The following DPYD variants were observed in gnomAD, a reference collection of about 807,000 sequenced individuals.
DPYD encodes the protein dihydropyrimidine dehydrogenase.
In DPYD, 109 loss-of-function variants were observed where a neutral mutation model predicts 116.2. That is an observed-to-expected ratio of 0.94 (90% confidence interval 0.80 to 1.10). The LOEUF is 1.10. Among genes scored for constraint, DPYD ranks in the 50% least tolerant of loss-of-function variants. DPYD has a pLI of 0.00. For synonymous variants in DPYD, 440 were observed against 432.0 expected (o/e 1.02, Z -0.23); for missense variants, 1,302 against 1,254.5 (o/e 1.04, Z -0.57).
At chr1:97,816,731 T>C (rs1339304975) in intron 3 of DPYD, among the ~76,000 whole-genome samples, 2 of 152,174 alleles carry the variant, frequency 1.3e-5, no homozygotes, top group Admixed American at 1.3e-4. Flanking sequence ...ATGTCTCATG[T>C]TTGTTGCATA....
intron 16 of DPYD, among the ~76,000 whole-genome samples, chr1:97,352,272 G>A (rs1237441131): frequency 1.3e-5 from 2 of 152,156 alleles, no homozygotes; most frequent in Non-Finnish European, 2.9e-5. Context: ...AACCAACTAA[G>A]GAATATAAAA....
intron 19 of DPYD, among the ~76,000 whole-genome samples, chr1:97,211,925 G>A (rs1660057959): frequency 6.6e-6 from 1 of 152,082 alleles, no homozygotes; most frequent in Non-Finnish European, 1.5e-5. Context: ...CTAAGCATGA[G>A]TGAAATCCCC....
At chr1:97,203,677 A>ACC (rs1557935782) in intron 19 of DPYD, among the ~76,000 whole-genome samples, 211 of 44,234 alleles carry the variant, frequency 4.8e-3, no homozygotes, top group East Asian at 0.041. Context: ...CCCCCCCCAA[A>ACC]AAAAAAAAAA....
chr1:97,875,170 G>T (rs1268246771), intron 2 of DPYD, among the ~76,000 whole-genome samples: 3 of 151,834 alleles, frequency 2.0e-5, no homozygotes, highest in Admixed American at 2.0e-4. Context: ...GTCAAGAATT[G>T]CCCTGAGTTT....
At chr1:97,754,692 T>C (rs1004949970) in intron 3 of DPYD, among the ~76,000 whole-genome samples, 1 of 152,198 alleles carries the variant, frequency 6.6e-6, no homozygotes, top group Admixed American at 6.5e-5. Context: ...ATGAATAAGT[T>C]ATAGGTTCAG....
chr1:97,361,936 G>T (rs1352688101), intron 16 of DPYD, among the ~76,000 whole-genome samples: 2 of 152,220 alleles, frequency 1.3e-5, no homozygotes, highest in Non-Finnish European at 2.9e-5. Flanking sequence ...TACACATAGT[G>T]TTGGAAGTTC....
chr1:97,691,857 A>C, intron 6 of DPYD, 59 bp from the exon 7 acceptor site: 1 of 1,375,456 alleles, frequency 7.3e-7, no homozygotes. Flanking sequence ...ATCTTTGACC[A>C]ATCTTAAAAA....
At chr1:97,201,908 T>TA (rs35829715) in intron 19 of DPYD, among the ~76,000 whole-genome samples, 1 of 69,016 alleles carries the variant, frequency 1.4e-5, no homozygotes, top group East Asian at 1.9e-3. Context: ...CTCAAGCAGC[T>TA]TTTTTTTTTT....
chr1:97,804,448 G>T (rs1667988125), intron 3 of DPYD, among the ~76,000 whole-genome samples: 1 of 151,758 alleles, frequency 6.6e-6, no homozygotes, highest in Non-Finnish European at 1.5e-5. Context: ...AAGATGTTAA[G>T]ATGCTATACA....
chr1:97,264,379 T>A (rs953854262), intron 18 of DPYD, among the ~76,000 whole-genome samples: 2 of 151,750 alleles, frequency 1.3e-5, no homozygotes, highest in African/African-American at 4.8e-5. Context: ...AGAGATGAGG[T>A]CTTGCCATGT....
At chr1:97,144,626 T>G (rs1385116221) in intron 20 of DPYD, among the ~76,000 whole-genome samples, 3 of 152,166 alleles carry the variant, frequency 2.0e-5, no homozygotes, top group African/African-American at 7.2e-5. Context: ...CTTCAAAAAG[T>G]GACAGGGTTG....
chr1:97,114,699 T>C (rs1414363809), intron 20 of DPYD, among the ~76,000 whole-genome samples: 1 of 152,122 alleles, frequency 6.6e-6, no homozygotes, highest in Non-Finnish European at 1.5e-5. Flanking sequence ...TAATGGCTGA[T>C]GGTGGTTATG....
intron 2 of DPYD, among the ~76,000 whole-genome samples, chr1:97,848,427 A>G (rs1421800001): frequency 1.3e-5 from 2 of 152,168 alleles, no homozygotes; most frequent in East Asian, 3.9e-4. Context: ...TTTAGTGACT[A>G]TTTTCCAAAA....
At chr1:97,083,372 T>C (rs993564708) in intron 21 of DPYD, among the ~76,000 whole-genome samples, 2 of 152,134 alleles carry the variant, frequency 1.3e-5, no homozygotes, top group Non-Finnish European at 2.9e-5. Flanking sequence ...TTCCATATTC[T>C]CTTTGGTATT....
At chr1:97,674,733 A>C (rs1449829013) in intron 8 of DPYD, among the ~76,000 whole-genome samples, 2 of 152,000 alleles carry the variant, frequency 1.3e-5, no homozygotes, top group African/African-American at 4.8e-5. Context: ...ATTGTGCAAT[A>C]TGGTTGTTCT....
chr1:97,529,823 CTTTT>C (rs1649458690), intron 12 of DPYD, among the ~76,000 whole-genome samples: 1 of 128,964 alleles, frequency 7.8e-6, no homozygotes, highest in South Asian at 2.4e-4. Context: ...CTTTCCTTTT[CTTTT>C]TCTCTCTCTT....
At chr1:97,441,762 C>T (rs1028863618) in intron 14 of DPYD, among the ~76,000 whole-genome samples, 5 of 151,918 alleles carry the variant, frequency 3.3e-5, no homozygotes, top group Non-Finnish European at 7.4e-5. Flanking sequence ...TGAATCCTAC[C>T]TTTTTTGGTG....
rs182307171 is a variant in DPYD, at chr1:97,766,770, T to A, written c.234-26291A>T. Among the ~76,000 whole-genome samples the A allele has an allele frequency of 1.2e-3, 186 of 152,274 alleles. No individual in the cohort carries two copies. In the Middle Eastern group the frequency reaches 0.024, roughly 19 times the overall value. ...GCAGAGAGTAGAGTATAACCAGACT[T>A]AAAGAAAACACACAAAGTTTTACAG... On this transcript the variant is annotated intron_variant, in intron 3 of 22. Transcript: ENST00000370192.
chr1:97,854,194 CAG>C (rs1670706261), intron 2 of DPYD, among the ~76,000 whole-genome samples: 1 of 152,094 alleles, frequency 6.6e-6, no homozygotes, highest in Non-Finnish European at 1.5e-5. Context: ...GGAGCAAAGA[CAG>C]AGATGTGCAA....
Sources: allele counts gnomAD v4.1 joint callset (sites outside exome capture counted in the v4.1 genomes callset), GRCh38; gene constraint gnomAD v4.1.1; transcripts MANE v1.5; gene names NCBI Gene and HGNC (gene_info 2026-07-23, HGNC 2026-07-21).